RAB9A: variants seen among roughly 807,000 people sequenced by gnomAD.
RAB9A encodes the protein ras-related protein Rab-9A.
Under a neutral mutation model 10.3 loss-of-function variants are expected in RAB9A, and 1 was observed. The ratio of observed to expected loss-of-function variants is 0.10; its 90% CI spans 0.03 to 0.46. The LOEUF is 0.46. Among genes scored for constraint, RAB9A ranks in the 20% least tolerant of loss-of-function variants. The pLI is 0.96. For synonymous variants in RAB9A, 39 were observed against 55.2 expected, an observed-to-expected ratio of 0.71 and a Z score of 1.30; for missense variants, 92 against 150.3, an observed-to-expected ratio of 0.61 and a Z score of 2.03.
chrX:13,690,747 A>T (rs1325698197), intron 1 of RAB9A, among the ~76,000 whole-genome samples: 1 of 111,682 alleles, frequency 9.0e-6, no homozygotes, highest in Non-Finnish European at 1.9e-5. Flanking sequence ...CTCTGCGGCG[A>T]ATATTCCGTA....
chrX:13,691,961 T>G (rs961747368), intron 1 of RAB9A, among the ~76,000 whole-genome samples: 1 of 108,548 alleles, frequency 9.2e-6, no homozygotes, highest in African/African-American at 3.4e-5. Context: ...CCTGGGCTAC[T>G]CAAGGACAGG....
At chrX:13,697,234 T>A (rs927141909) in intron 1 of RAB9A, among the ~76,000 whole-genome samples, 1 of 112,058 alleles carries the variant, frequency 8.9e-6, no homozygotes, top group Non-Finnish European at 1.9e-5. Flanking sequence ...AGAACCAATG[T>A]TTCTTTAGGT....
intron 1 of RAB9A, among the ~76,000 whole-genome samples, chrX:13,703,240 C>T (rs2046182358): frequency 8.9e-6 from 1 of 112,530 alleles, no homozygotes; most frequent in Non-Finnish European, 1.9e-5. Context: ...AGTGCCTGGG[C>T]TTTAGAGTCA....
At chrX:13,706,053 A>G (rs16999054) in intron 2 of RAB9A, among the ~76,000 whole-genome samples, 1,585 of 112,026 alleles carry the variant, frequency 0.014, 31 homozygotes, top group African/African-American at 0.048. Flanking sequence ...TCTCTGGGAA[A>G]CAACCCGCTG....
intron 1 of RAB9A, among the ~76,000 whole-genome samples, chrX:13,691,913 G>T (rs1045696956): frequency 9.1e-6 from 1 of 109,745 alleles, no homozygotes; most frequent in African/African-American, 3.3e-5. Context: ...ACAGTCATAA[G>T]ATTAGGTTCT....
intron 2 of RAB9A, among the ~76,000 whole-genome samples, chrX:13,708,307 C>T (rs972731795): frequency 4.3e-5 from 4 of 93,340 alleles, no homozygotes; most frequent in African/African-American, 1.2e-4. Flanking sequence ...TGGGTGACAG[C>T]GAGATCCTGT....
intron 1 of RAB9A, among the ~76,000 whole-genome samples, chrX:13,689,982 G>A (rs925816792): frequency 2.1e-5 from 2 of 94,941 alleles, no homozygotes; most frequent in African/African-American, 8.2e-5. Context: ...TTTTTTTTTG[G>A]TAAGGGATGA....
At chrX:13,702,779 T>C (rs768057336) in intron 1 of RAB9A, among the ~76,000 whole-genome samples, 5 of 112,295 alleles carry the variant, frequency 4.5e-5, no homozygotes, top group Non-Finnish European at 7.5e-5. Flanking sequence ...TTGTACCATA[T>C]ACCTCTCATT....
chrX:13,692,726 A>G (rs1018532155), intron 1 of RAB9A, among the ~76,000 whole-genome samples: 6 of 111,774 alleles, frequency 5.4e-5, no homozygotes, highest in African/African-American at 1.6e-4. Flanking sequence ...GGTTGACTGG[A>G]GCAGTCAAAA....
At chrX:13,692,415 A>ATG (rs937226151) in intron 1 of RAB9A, among the ~76,000 whole-genome samples, 4 of 112,386 alleles carry the variant, frequency 3.6e-5, no homozygotes, top group Non-Finnish European at 7.5e-5. Flanking sequence ...GGAAAACTTG[A>ATG]TGTGTGTGTT....
chrX:13,704,108 A>G (rs2046186855), intron 2 of RAB9A, among the ~76,000 whole-genome samples: 1 of 111,577 alleles, frequency 9.0e-6, no homozygotes, highest in African/African-American at 3.3e-5. Flanking sequence ...GACCTTTCCT[A>G]TATCACGTTG....
Position 13,709,296 on chromosome X carries a change from C to G in RAB9A, c.550C>G (p.Gln184Glu), listed in dbSNP as rs1297094958. 8.3e-7 allele frequency: 1 copy of G among 1,208,768 alleles called. No individual in the cohort carries two copies. Among genetic ancestry groups the G allele is most frequent in the Non-Finnish European group, 1.1e-6 (1 of 894,016 alleles). ...CGAGGATAGGTCAGATCATTTGATT[C>G]AGACAGACACAGTCAATCTTCACCG... ...ATEDRSDHLI[Q>E]TDTVNLHRKP... The change falls in exon 3 of 3, where the codon CAG becomes GAG. Residue 184 changes from glutamine (Q) to glutamate (E), a missense_variant. Coordinates refer to ENST00000464506, the MANE Select transcript of RAB9A (RefSeq NM_004251.5).
chrX:13,691,540 A>G (rs990485631), intron 1 of RAB9A, among the ~76,000 whole-genome samples: 1 of 108,765 alleles, frequency 9.2e-6, no homozygotes, highest in Non-Finnish European at 1.9e-5. Context: ...GATGCCCGTA[A>G]TCCCAGCTAC....
At chrX:13,697,231 A>G (rs896334567) in intron 1 of RAB9A, among the ~76,000 whole-genome samples, 3 of 111,895 alleles carry the variant, frequency 2.7e-5, no homozygotes, top group African/African-American at 6.5e-5. Context: ...CTCAGAACCA[A>G]TGTTTCTTTA....
chrX:13,689,630 A>G (rs756445699), intron 1 of RAB9A, among the ~76,000 whole-genome samples: 2 of 111,617 alleles, frequency 1.8e-5, no homozygotes, highest in African/African-American at 6.5e-5. Flanking sequence ...CTTTCCCCCA[A>G]CCACTCCGGG....
intron 1 of RAB9A, among the ~76,000 whole-genome samples, chrX:13,696,472 A>G (rs2046148527): frequency 9.0e-6 from 1 of 111,679 alleles, no homozygotes; most frequent in African/African-American, 3.3e-5. Flanking sequence ...TAGTTCATGC[A>G]CATTCAGACA....
intron 2 of RAB9A, among the ~76,000 whole-genome samples, chrX:13,705,724 A>T (rs1051477885): frequency 1.4e-4 from 16 of 111,994 alleles, no homozygotes; most frequent in Admixed American, 1.2e-3. Context: ...TTGTACTCTC[A>T]TAACACAACA....
At position 13,709,411 on chromosome X, in the gene RAB9A, G is replaced by C. The variant is rs1374915628; in HGVS notation, c.*59G>C. The C allele has an allele frequency of 1.8e-6, 2 of 1,110,313 alleles. No homozygotes were observed. Among genetic ancestry groups the C allele is most frequent in the Admixed American group, 5.7e-5 (2 of 34,983 alleles). The allele number at this position is 1,110,313 out of a possible 1,213,427, so 91.5% of individuals were successfully genotyped here. ...CACATATACACAAAATCAACATGGGGATGGAGAAGAGAATTAGCGTTTGCA... is the reference window on the plus strand; with the variant it reads ...CACATATACACAAAATCAACATGGGCATGGAGAAGAGAATTAGCGTTTGCA... On this transcript the variant is annotated 3_prime_UTR_variant, in exon 3 of 3. Coordinates refer to ENST00000464506, the MANE Select transcript of RAB9A (RefSeq NM_004251.5).
intron 1 of RAB9A, among the ~76,000 whole-genome samples, chrX:13,700,265 T>C (rs781168151): frequency 8.9e-6 from 1 of 112,161 alleles, no homozygotes; most frequent in East Asian, 2.8e-4. Flanking sequence ...ATTTAAATTC[T>C]TGATGCTTGG....
Sources: gnomAD v4.1 joint callset for allele counts (sites outside exome capture counted in the v4.1 genomes callset) on GRCh38, gnomAD v4.1.1 for gene constraint, MANE v1.5 for transcripts, NCBI Gene and HGNC (gene_info 2026-07-23, HGNC 2026-07-21) for gene names.